DOK6: variants seen among roughly 807,000 people sequenced by gnomAD.
DOK6 encodes downstream of tyrosine kinase 6.
DOK6 carries 22 observed loss-of-function variants against 44.0 expected under a neutral mutation model. That is an observed-to-expected ratio of 0.50 (90% confidence interval 0.36 to 0.71). The LOEUF (loss-of-function observed/expected upper bound fraction) is 0.71, where lower values mean the gene tolerates loss of function less well. DOK6 is among the 30% of genes least tolerant of loss of function. The probability of loss-of-function intolerance (pLI) is 0.00; values close to 1 mark genes in which losing one functional copy is unlikely to be tolerated. For synonymous variants in DOK6, 166 were observed against 145.5 expected (o/e 1.14, Z -1.01); for missense variants, 340 against 416.4 (o/e 0.82, Z 1.60).
intron 7 of DOK6, among the ~76,000 whole-genome samples, chr18:69,819,256 T>C (rs1028313847): frequency 2.6e-5 from 4 of 152,160 alleles, no homozygotes; most frequent in African/African-American, 9.7e-5. Flanking sequence ...CATGTATTTC[T>C]CTCAATGGAT....
At chr18:69,815,628 CCTAATT>C (rs1402311771) in intron 7 of DOK6, among the ~76,000 whole-genome samples, 2 of 152,082 alleles carry the variant, frequency 1.3e-5, no homozygotes, top group Non-Finnish European at 2.9e-5. Context: ...ATGATAACCA[CCTAATT>C]CTTCATTCCA....
chr18:69,696,488 G>A (rs376678716), intron 4 of DOK6, among the ~76,000 whole-genome samples: 1 of 152,080 alleles, frequency 6.6e-6, no homozygotes. Flanking sequence ...TTATTTTTTC[G>A]GTTGCTAATT....
intron 1 of DOK6, among the ~76,000 whole-genome samples, chr18:69,472,943 A>G (rs1177363525): frequency 1.3e-5 from 2 of 152,178 alleles, no homozygotes; most frequent in African/African-American, 4.8e-5. Context: ...AAAATCTCAT[A>G]CTATTTGAAA....
intron 4 of DOK6, among the ~76,000 whole-genome samples, chr18:69,684,245 A>G (rs1025975401): frequency 5.3e-5 from 8 of 152,232 alleles, no homozygotes; most frequent in African/African-American, 1.7e-4. Context: ...GAAAAAGGTC[A>G]AAGCTATATT....
At chr18:69,419,058 A>T (rs1466237775) in intron 1 of DOK6, among the ~76,000 whole-genome samples, 1 of 152,100 alleles carries the variant, frequency 6.6e-6, no homozygotes, top group Non-Finnish European at 1.5e-5. Flanking sequence ...GAATACCTTA[A>T]TTACTAGGAC....
intron 5 of DOK6, among the ~76,000 whole-genome samples, chr18:69,721,892 C>T (rs1233314797): frequency 2.0e-5 from 3 of 152,196 alleles, no homozygotes; most frequent in Admixed American, 1.3e-4. Flanking sequence ...AGTTTATTCT[C>T]CGTAAGGCAA....
rs963870426 is a variant in DOK6, at chr18:69,847,001, C to G, written c.*5618C>G. 1.3e-5 allele frequency: 2 copies of G among 152,104 alleles called. No homozygotes were observed. The highest frequency in any genetic ancestry group is 2.9e-5 in the Non-Finnish European group (2 of 68,008). The allele number at this position is 152,104 out of a possible 1,614,324, so 9.4% of individuals were successfully genotyped here. ...TAAATAATATGAAAACCACATTATACTTGTAATTTTCAGACACTTTTCTCC... is the reference window on the plus strand; with the variant it reads ...TAAATAATATGAAAACCACATTATAGTTGTAATTTTCAGACACTTTTCTCC... On this transcript the variant is annotated 3_prime_UTR_variant, in exon 8 of 8. Coordinates refer to ENST00000382713, the MANE Select transcript of DOK6 (RefSeq NM_152721.6).
intron 3 of DOK6, among the ~76,000 whole-genome samples, chr18:69,609,657 G>T (rs1336378430): frequency 7.2e-6 from 1 of 138,040 alleles, no homozygotes; most frequent in East Asian, 2.2e-4. Context: ...ATATGATCTG[G>T]CAATCCCATT....
chr18:69,774,372 G>A lies in DOK6; in HGVS notation c.856+16499G>A, dbSNP rs942612125. 2.6e-5 allele frequency among the ~76,000 whole-genome samples: 4 copies of A among 151,382 alleles called. No individual in the cohort carries two copies. The Admixed American group carries it at 2.6e-4, about 10-fold the overall frequency. ...ACTCAGGGGAAAAGGGCGGGAAGGG[G>A]GTGAGGGATAAAGGACTACAAATTG... On this transcript the variant is annotated intron_variant, in intron 7 of 7. Transcript: ENST00000382713.
At chr18:69,586,585 A>G (rs1264746219) in intron 2 of DOK6, among the ~76,000 whole-genome samples, 1 of 152,226 alleles carries the variant, frequency 6.6e-6, no homozygotes, top group East Asian at 1.9e-4. Flanking sequence ...CTGCAGGTGG[A>G]TGTCCCCGGA....
chr18:69,425,744 T>A (rs1469232976), intron 1 of DOK6, among the ~76,000 whole-genome samples: 1 of 152,034 alleles, frequency 6.6e-6, no homozygotes, highest in Admixed American at 6.6e-5. Context: ...ATTTAAAAAA[T>A]CATATAAACT....
intron 1 of DOK6, among the ~76,000 whole-genome samples, chr18:69,498,912 T>TA: frequency 6.6e-6 from 1 of 152,302 alleles, no homozygotes; most frequent in East Asian, 1.9e-4. Context: ...ATTTTACAAA[T>TA]AAAAGAGAAA....
intron 7 of DOK6, among the ~76,000 whole-genome samples, chr18:69,824,942 T>C (rs1981697752): frequency 6.6e-6 from 1 of 152,224 alleles, no homozygotes. Context: ...CTTTTGTACT[T>C]AGAAAAATCT....
chr18:69,437,763 A>G lies in DOK6; in HGVS notation c.66+36453A>G, dbSNP rs191667709. On this transcript the variant is annotated intron_variant, in intron 1 of 7. Coordinates refer to ENST00000382713, the MANE Select transcript of DOK6 (RefSeq NM_152721.6). Reference sequence around the variant, plus strand: ...AAAGGAATTATCTGGATTTTATCATATCTTGGAAATATTGTTCATTCAGGC... The same window carrying G: ...AAAGGAATTATCTGGATTTTATCATGTCTTGGAAATATTGTTCATTCAGGC... Among the ~76,000 whole-genome samples the G allele has an allele frequency of 1.4e-4, 21 of 152,280 alleles. No homozygotes were observed. The East Asian group carries it at 3.9e-3, about 28-fold the overall frequency.
rs766696627 is a variant in DOK6 at position 69,841,260 on chromosome 18, G to A, written c.873G>A (p.Ser291=). 10 of 1,614,114 alleles carry A rather than the reference G, an allele frequency of 6.2e-6. No individual in the cohort carries two copies. The highest frequency in any genetic ancestry group is 2.2e-5 in the East Asian group (1 of 44,872). The change falls in exon 8 of 8, where the codon TCG becomes TCA. Residue 291 remains serine (S), a synonymous_variant. Coordinates refer to ENST00000382713, the MANE Select transcript of DOK6 (RefSeq NM_152721.6). The part of the protein sequence containing the change: ...IYSLQGHGFG[S]SKMSRAQTFP... ...CCTCTCTAGGTCATGGGTTTGGTTC[G>A]TCAAAGATGTCTCGTGCACAGACAT... is the stretch of plus-strand genomic sequence containing the variant.
chr18:69,839,900 A>G (rs1374569843), intron 7 of DOK6, among the ~76,000 whole-genome samples: 1 of 152,192 alleles, frequency 6.6e-6, no homozygotes, highest in African/African-American at 2.4e-5. Flanking sequence ...GTGGACAGCA[A>G]CAGAATCCAG....
At chr18:69,670,078 A>ATATTTATT (rs150903955) in intron 3 of DOK6, among the ~76,000 whole-genome samples, 4 of 152,176 alleles carry the variant, frequency 2.6e-5, no homozygotes, top group African/African-American at 9.6e-5. Context: ...TTTTTTGAAC[A>ATATTTATT]TATTTATTTA....
In DOK6 at chr18:69,506,761, G is replaced by A. The variant is rs543264331; in HGVS notation, c.67-57726G>A. Among the ~76,000 whole-genome samples the A allele has an allele frequency of 1.5e-3, 226 of 152,028 alleles. 1 individual carries two copies. The highest frequency in any genetic ancestry group is 4.5e-3 in the African/African-American group (188 of 41,514). On this transcript the variant is annotated intron_variant, in intron 1 of 7. Coordinates refer to ENST00000382713, the MANE Select transcript of DOK6 (RefSeq NM_152721.6). ...TAATTTTCTTGATAAATACCCAGACGTGGGGTTGCCGGGTTGTATGGTGTG... is the reference window on the plus strand; with the variant it reads ...TAATTTTCTTGATAAATACCCAGACATGGGGTTGCCGGGTTGTATGGTGTG...
chr18:69,772,986 C>T (rs1466140662), intron 7 of DOK6, among the ~76,000 whole-genome samples: 3 of 151,872 alleles, frequency 2.0e-5, no homozygotes, highest in Non-Finnish European at 4.4e-5. Context: ...ACTCCTACAA[C>T]TCAATAGCAA....
Sources: gnomAD v4.1 joint callset for allele counts (sites outside exome capture counted in the v4.1 genomes callset) on GRCh38, gnomAD v4.1.1 for gene constraint, MANE v1.5 for transcripts, NCBI Gene and HGNC (gene_info 2026-07-23, HGNC 2026-07-21) for gene names.